ARID1B: variants seen among roughly 807,000 people sequenced by gnomAD.
ARID1B encodes the protein AT-rich interaction domain 1B, also known as AT-rich interactive domain-containing protein 1B.
ARID1B carries 30 observed loss-of-function variants against 212.3 expected under a neutral mutation model. The ratio of observed to expected loss-of-function variants is 0.14; its 90% CI spans 0.11 to 0.19. The LOEUF (loss-of-function observed/expected upper bound fraction) is 0.19, where lower values mean the gene tolerates loss of function less well. ARID1B is among the 10% of genes least tolerant of loss of function. The pLI, the probability that ARID1B is intolerant of heterozygous loss-of-function variation, is 1.00. For missense variants in ARID1B, 2,891 were observed against 3,204.0 expected (o/e 0.90, Z 2.36); for synonymous variants, 1,402 against 1,301.7 (o/e 1.08, Z -1.66).
At chr6:157,087,035 T>TA (rs1785008263) in intron 5 of ARID1B, among the ~76,000 whole-genome samples, 1 of 152,212 alleles carries the variant, frequency 6.6e-6, no homozygotes, top group South Asian at 2.1e-4. Context: ...CAGAAACACT[T>TA]ACCACCATAT....
intron 3 of ARID1B, among the ~76,000 whole-genome samples, chr6:156,906,546 CAAAAAAAAAAAA>C (rs55660810): frequency 0.026 from 1,049 of 39,740 alleles, 32 homozygotes; most frequent in African/African-American, 0.068. Flanking sequence ...ACTCCATCTC[CAAAAAAAAAAAA>C]AAAAAAAAAA....
intron 2 of ARID1B, among the ~76,000 whole-genome samples, chr6:156,856,740 A>G (rs1262885458): frequency 2.6e-5 from 3 of 116,618 alleles, no homozygotes; most frequent in Non-Finnish European, 3.7e-5. Context: ...ACACACACAC[A>G]CAAACTGATG....
intron 4 of ARID1B, among the ~76,000 whole-genome samples, chr6:157,039,670 C>CT (rs1781632121): frequency 2.4e-4 from 13 of 55,306 alleles, no homozygotes; most frequent in African/African-American, 1.3e-3. Flanking sequence ...TCCTTCCTTC[C>CT]TTCCTTCCTT....
Position 156,800,140 on chromosome 6 carries a change from C to T in ARID1B, c.1791+20669C>T, listed in dbSNP as rs141308112. On this transcript the variant is annotated intron_variant, in intron 1 of 19. Coordinates refer to ENST00000636930, the MANE Select transcript of ARID1B (RefSeq NM_001374828.1). ...ACTTGGTTAGTTTTCATTACAATTC[C>T]CCTTTCCTAAAGAGAAAACTCAGAA... is the stretch of plus-strand genomic sequence containing the variant. Among the ~76,000 whole-genome samples, 3 of 152,318 alleles carry T rather than the reference C, an allele frequency of 2.0e-5. No homozygotes were observed. In the East Asian group the frequency reaches 5.8e-4, roughly 29 times the overall value.
chr6:156,917,949 G>A (rs962405901), intron 3 of ARID1B, among the ~76,000 whole-genome samples: 3 of 152,008 alleles, frequency 2.0e-5, no homozygotes, highest in African/African-American at 4.8e-5. Context: ...AAGAGATGCC[G>A]TGAACTGGAA....
intron 5 of ARID1B, among the ~76,000 whole-genome samples, chr6:157,100,937 T>C (rs1786010426): frequency 6.6e-6 from 1 of 152,206 alleles, no homozygotes; most frequent in African/African-American, 2.4e-5. Flanking sequence ...TAATTACTAG[T>C]GGGTTTGGCA....
At chr6:157,060,828 C>G (rs1297046801) in intron 4 of ARID1B, among the ~76,000 whole-genome samples, 1 of 152,040 alleles carries the variant, frequency 6.6e-6, no homozygotes, top group Non-Finnish European at 1.5e-5. Flanking sequence ...AGCTGTCCTT[C>G]CTTTCCATCT....
intron 4 of ARID1B, among the ~76,000 whole-genome samples, chr6:156,956,231 C>G (rs1424059628): frequency 6.6e-6 from 1 of 152,076 alleles, no homozygotes; most frequent in East Asian, 1.9e-4. Context: ...GTCCCAGGTA[C>G]TTTTGTGAGT....
At position 157,148,531 on chromosome 6, in the gene ARID1B, G is replaced by C; in HGVS notation, c.2762-93G>C. On this transcript the variant is annotated intron_variant, in intron 7 of 19. Coordinates refer to ENST00000636930, the MANE Select transcript of ARID1B (RefSeq NM_001374828.1). The surrounding 1 kb of genome is among the most constrained non-coding windows in gnomAD (Gnocchi z 5.6). ...CTATAACGGTCATGACTAATACTCC[G>C]TGCTGATCGCATTGTTGGACAAAAA... 7.2e-7 allele frequency: 1 copy of C among 1,384,458 alleles called. No homozygotes were observed. Among genetic ancestry groups the C allele is most frequent in the Non-Finnish European group, 9.9e-7 (1 of 1,013,338 alleles). The allele number at this position is 1,384,458 out of a possible 1,614,324, so 85.8% of individuals were successfully genotyped here.
chr6:157,160,284 T>A (rs1192833333), intron 8 of ARID1B, among the ~76,000 whole-genome samples: 1 of 152,222 alleles, frequency 6.6e-6, no homozygotes, highest in Non-Finnish European at 1.5e-5. Context: ...CCTGTCCACA[T>A]GTCCAAAACT....
At chr6:156,885,371 T>C (rs1027760655) in intron 2 of ARID1B, among the ~76,000 whole-genome samples, 3 of 152,138 alleles carry the variant, frequency 2.0e-5, no homozygotes, top group African/African-American at 7.2e-5. Flanking sequence ...ATTTATTGAG[T>C]TTCAAAATGT....
chr6:156,783,333 T>TAA (rs66552722), intron 1 of ARID1B, among the ~76,000 whole-genome samples: 1 of 144,992 alleles, frequency 6.9e-6, no homozygotes, highest in Admixed American at 6.8e-5. Context: ...TTCTGATATT[T>TAA]AAAAAAAAAA....
chr6:156,926,254 A>G (rs1791209622), intron 3 of ARID1B, among the ~76,000 whole-genome samples: 1 of 152,222 alleles, frequency 6.6e-6, no homozygotes, highest in African/African-American at 2.4e-5. Context: ...CCTAGGGGAA[A>G]AATGAAATTG....
At chr6:157,164,050 A>T (rs1791143153) in intron 8 of ARID1B, among the ~76,000 whole-genome samples, 1 of 152,236 alleles carries the variant, frequency 6.6e-6, no homozygotes, top group African/African-American at 2.4e-5. Context: ...TTAAATGTGT[A>T]TGCCTAGAAT....
chr6:156,893,913 T>G (rs1243459841), intron 2 of ARID1B, among the ~76,000 whole-genome samples: 1 of 152,132 alleles, frequency 6.6e-6, no homozygotes, highest in African/African-American at 2.4e-5. Context: ...AGAATTACCA[T>G]ATACTCCAGC....
At chr6:156,804,165 A>G (rs976685620) in intron 1 of ARID1B, among the ~76,000 whole-genome samples, 3 of 151,994 alleles carry the variant, frequency 2.0e-5, no homozygotes, top group Non-Finnish European at 2.9e-5. Flanking sequence ...GTGAAACCCC[A>G]TCTCTACCAG....
At chr6:157,154,679 A>G (rs1432150716) in intron 8 of ARID1B, among the ~76,000 whole-genome samples, 2 of 150,286 alleles carry the variant, frequency 1.3e-5, no homozygotes, top group Non-Finnish European at 2.9e-5. Flanking sequence ...TCCTGGTTCA[A>G]GTGATTCTCC....
At chr6:156,819,020 G>T (rs991811214) in intron 1 of ARID1B, among the ~76,000 whole-genome samples, 1 of 152,060 alleles carries the variant, frequency 6.6e-6, no homozygotes, top group Non-Finnish European at 1.5e-5. Flanking sequence ...AAATGATAGT[G>T]GTAGTGTTCT....
intron 4 of ARID1B, among the ~76,000 whole-genome samples, chr6:156,954,423 G>A (rs1300231471): frequency 2.0e-5 from 3 of 151,878 alleles, no homozygotes; most frequent in East Asian, 1.9e-4. Flanking sequence ...GAATGAGGCC[G>A]TTTGCACACA....
Sources: gnomAD v4.1 joint callset for allele counts (sites outside exome capture counted in the v4.1 genomes callset) on GRCh38, gnomAD v4.1.1 for gene constraint, Gnocchi (gnomAD v3.1) non-coding constraint, MANE v1.5 for transcripts, NCBI Gene and HGNC (gene_info 2026-07-23, HGNC 2026-07-21) for gene names.